CISD3: variants seen among roughly 807,000 people sequenced by gnomAD.
CISD3 encodes CDGSH iron sulfur domain 3.
CISD3 carries 11 observed loss-of-function variants against 14.1 expected under a neutral mutation model. The observed-to-expected ratio is 0.78, with a 90% confidence interval of 0.49 to 1.29. The LOEUF is 1.29. CISD3 is among the 50% of genes most tolerant of loss of function. CISD3 has a pLI of 0.00. For synonymous variants in CISD3, 53 were observed against 69.2 expected (o/e 0.77, Z 1.16); for missense variants, 156 against 171.6 (o/e 0.91, Z 0.51).
Position 38,733,332 on chromosome 17 carries a change from C to G in CISD3, c.261C>G (p.Phe87Leu). 3.2e-6 allele frequency: 5 copies of G among 1,551,750 alleles called. No homozygotes were observed. The highest frequency in any genetic ancestry group is 1.2e-5 in the South Asian group (1 of 84,062). Residue 87 changes from phenylalanine to leucine, a missense_variant, in exon 4 of 4, where the codon TTC becomes TTG. Transcript: ENST00000613478. ...FQRTGLSPLKFKAQETRMVAL... is the reference protein window; with the variant it reads ...FQRTGLSPLKLKAQETRMVAL... ...GCACTGGCCTATCTCCACTCAAGTT[C>G]AAGGCCCAAGAGACCCGCATGGTGG... is the stretch of plus-strand genomic sequence containing the variant.
rs149121439 is a variant in CISD3 at position 38,735,313 on chromosome 17, C to T, written c.*1858C>T. The stretch of plus-strand genomic sequence containing the variant: ...GTGTCTGCAGGCAGTTCAAGCTACC[C>T]CCGTTGGCAGCTGTGGTGGCCCCAC... On this transcript the variant is annotated 3_prime_UTR_variant, in exon 4 of 4. Transcript: ENST00000613478. 25 of 1,533,284 alleles carry T rather than the reference C, an allele frequency of 1.6e-5. No individual in the cohort carries two copies. Among genetic ancestry groups the T allele is most frequent in the Non-Finnish European group, 2.2e-5 (25 of 1,133,604 alleles). The allele number at this position is 1,533,284 out of a possible 1,614,324, so 95.0% of individuals were successfully genotyped here.
intron 3 of CISD3, among the ~76,000 whole-genome samples, chr17:38,732,933 T>TCAGAGA (rs1390610770): frequency 9.4e-6 from 1 of 106,040 alleles, no homozygotes; most frequent in East Asian, 2.2e-4. Flanking sequence ...CAGTGGAGAC[T>TCAGAGA]CAGAGACACA....
In CISD3 at chr17:38,730,475, A is replaced by G. The variant is rs960159558; in HGVS notation, c.48+69A>G. On this transcript the variant is annotated intron_variant, in intron 1 of 3. Coordinates refer to ENST00000613478, the MANE Select transcript of CISD3 (RefSeq NM_001136498.2). Reference sequence around the variant, plus strand: ...CCGGGCCCCTGCCAGCCCCCACTCCAGCCCCGGCCCGGCCGAGCATCCCGG... The same window carrying G: ...CCGGGCCCCTGCCAGCCCCCACTCCGGCCCCGGCCCGGCCGAGCATCCCGG... 84 of 1,138,204 alleles carry G rather than the reference A, an allele frequency of 7.4e-5. 1 individual carries two copies. Among genetic ancestry groups the G allele is most frequent in the Non-Finnish European group, 9.6e-5 (82 of 854,956 alleles). The allele number at this position is 1,138,204 out of a possible 1,614,324, so 70.5% of individuals were successfully genotyped here.
At position 38,735,604 on chromosome 17, in the gene CISD3, C is replaced by G; in HGVS notation, c.*2149C>G. The G allele has an allele frequency of 6.5e-7, 1 of 1,548,310 alleles. No homozygotes were observed. On this transcript the variant is annotated 3_prime_UTR_variant, in exon 4 of 4. Transcript: ENST00000613478. ...ACTTGAGGGGGAGAGGCCCGTTCTG[C>G]GGGGAGAGTGGGGAGGAGAGACACA...
At chr17:38,732,645 G>T (rs542506019) in intron 3 of CISD3, among the ~76,000 whole-genome samples, 1 of 152,018 alleles carries the variant, frequency 6.6e-6, no homozygotes, top group Non-Finnish European at 1.5e-5. Flanking sequence ...AAAAAAAAAG[G>T]CCTTGGCACC....
At position 38,730,741 on chromosome 17, in the gene CISD3, A is replaced by T; in HGVS notation, c.49-19A>T. On this transcript the variant is annotated intron_variant, in intron 1 of 3. Transcript: ENST00000613478. ...AAACCACCGTCTTGTGATGCCTGCCATGCTTGCGTACCTTGCAGGACCTGA... is the reference window on the plus strand; with the variant it reads ...AAACCACCGTCTTGTGATGCCTGCCTTGCTTGCGTACCTTGCAGGACCTGA... 1.9e-6 allele frequency: 3 copies of T among 1,551,476 alleles called. No individual in the cohort carries two copies. Among genetic ancestry groups the T allele is most frequent in the Non-Finnish European group, 2.6e-6 (3 of 1,146,898 alleles).
In CISD3 at chr17:38,735,351, G is replaced by C. The variant is rs746369251; in HGVS notation, c.*1896G>C. On this transcript the variant is annotated 3_prime_UTR_variant, in exon 4 of 4. Transcript: ENST00000613478. ...GTGGTGGCCCCACTGGCTGTCGAAG[G>C]GGGAGTGGGGGAGGTAGGGTGGGTG... The C allele has an allele frequency of 2.6e-5, 40 of 1,558,110 alleles. No homozygotes were observed. In the South Asian group the frequency reaches 4.0e-4, roughly 16 times the overall value.
Position 38,735,518 on chromosome 17 carries a change from C to T in CISD3, c.*2063C>T. 1 of 1,590,524 alleles carries T rather than the reference C, an allele frequency of 6.3e-7. No homozygotes were observed. Among genetic ancestry groups the T allele is most frequent in the Non-Finnish European group, 8.6e-7 (1 of 1,168,670 alleles). On this transcript the variant is annotated 3_prime_UTR_variant, in exon 4 of 4. Transcript: ENST00000613478. ...CTCGGACGCCCCGCTGGTGTTGGTGCCCTCGGAGGGGGTGGGCACCGTGGC... is the reference window on the plus strand; with the variant it reads ...CTCGGACGCCCCGCTGGTGTTGGTGTCCTCGGAGGGGGTGGGCACCGTGGC...
At chr17:38,731,267 G>C (rs1299656940) in intron 2 of CISD3, 53 bp from the exon 3 acceptor site, 1 of 1,540,340 alleles carries the variant, frequency 6.5e-7, no homozygotes, top group African/African-American at 1.4e-5. Flanking sequence ...CAGGCCGGAC[G>C]GTGCTTCCAG....
At position 38,733,501 on chromosome 17, in the gene CISD3, C is replaced by CT. The variant is rs1906445670; in HGVS notation, c.*47dup. On this transcript the variant is annotated 3_prime_UTR_variant, in exon 4 of 4. Coordinates refer to ENST00000613478, the MANE Select transcript of CISD3 (RefSeq NM_001136498.2). ...CACAGGTGGCCTTGGCTCCAGGCCT[C>CT]TGACAGGCACCCCCTTCTGTGGGAA... 6.8e-7 allele frequency: 1 copy of CT among 1,464,278 alleles called. No individual in the cohort carries two copies. Among genetic ancestry groups the CT allele is most frequent in the Non-Finnish European group, 9.1e-7 (1 of 1,102,640 alleles). 90.7% of individuals were successfully genotyped at this position (1,464,278 alleles called of 1,614,324 possible).
Position 38,735,240 on chromosome 17 carries a change from C to T in CISD3, c.*1785C>T, listed in dbSNP as rs764305411. The T allele has an allele frequency of 8.3e-6, 12 of 1,441,990 alleles. No homozygotes were observed. The East Asian group carries it at 3.1e-4, about 37-fold the overall frequency. The allele number at this position is 1,441,990 out of a possible 1,614,324, so 89.3% of individuals were successfully genotyped here. ...CCCTGGCCTCAAGTTAAGGGGGGCACGGGAGCGCCGTTGACAGTCATCTTG... is the reference window on the plus strand; with the variant it reads ...CCCTGGCCTCAAGTTAAGGGGGGCATGGGAGCGCCGTTGACAGTCATCTTG... On this transcript the variant is annotated 3_prime_UTR_variant, in exon 4 of 4. Coordinates refer to ENST00000613478, the MANE Select transcript of CISD3 (RefSeq NM_001136498.2).
chr17:38,735,589 G>A lies in CISD3; in HGVS notation c.*2134G>A. The A allele has an allele frequency of 1.9e-6, 3 of 1,571,738 alleles. No homozygotes were observed. The highest frequency in any genetic ancestry group is 1.8e-5 in the Admixed American group (1 of 56,082). ...CTGGCTGGACACGGTACTTGAGGGG[G>A]AGAGGCCCGTTCTGCGGGGAGAGTG... On this transcript the variant is annotated 3_prime_UTR_variant, in exon 4 of 4. Transcript: ENST00000613478.
chr17:38,730,676 C>A, intron 1 of CISD3, 84 bp from the exon 2 acceptor site: 1 of 1,388,732 alleles, frequency 7.2e-7, no homozygotes, highest in Non-Finnish European at 1.0e-6. Flanking sequence ...GATGGCCTCC[C>A]GTGTCCTTCC....
In CISD3 at chr17:38,735,156, A is replaced by C; in HGVS notation, c.*1701A>C. The C allele has an allele frequency of 8.1e-7, 1 of 1,231,614 alleles. No homozygotes were observed. Among genetic ancestry groups the C allele is most frequent in the Non-Finnish European group, 1.0e-6 (1 of 952,782 alleles). 76.3% of individuals were successfully genotyped at this position (1,231,614 alleles called of 1,614,324 possible). The stretch of plus-strand genomic sequence containing the variant: ...GCTGGGGAAAGTAGAAGAGGTGGAA[A>C]AAAGGGCCCAGAAAAAGTGGAAGGA... On this transcript the variant is annotated 3_prime_UTR_variant, in exon 4 of 4. Transcript: ENST00000613478.
intron 2 of CISD3, 100 bp downstream of exon 2, chr17:38,730,895 A>ACTC: frequency 7.7e-7 from 1 of 1,296,268 alleles, no homozygotes; most frequent in Non-Finnish European, 1.1e-6. Context: ...GTACAGGCCT[A>ACTC]TTCCCTGGAG....
rs1906327228 is a variant in CISD3 at position 38,731,364 on chromosome 17, G to A, written c.129G>A (p.Leu43=). ...PRTPARSVVA[L]KTPIKVELVA... is the part of the protein sequence containing the mutation. ...CCCCAGCCAGGTCCGTGGTGGCCCT[G>A]AAGACCCCCATCAAGGTGGAGCTGG... The change falls in exon 3 of 4, where the codon CTG becomes CTA. Residue 43 remains leucine, a synonymous_variant. Transcript: ENST00000613478. The A allele has an allele frequency of 1.3e-6, 2 of 1,551,632 alleles. No individual in the cohort carries two copies. Among genetic ancestry groups the A allele is most frequent in the East Asian group, 4.9e-5 (2 of 40,920 alleles).
chr17:38,735,527 G>A lies in CISD3; in HGVS notation c.*2072G>A, dbSNP rs1379690664. ...CCCGCTGGTGTTGGTGCCCTCGGAG[G>A]GGGTGGGCACCGTGGCTAGGGTGAG... On this transcript the variant is annotated 3_prime_UTR_variant, in exon 4 of 4. Coordinates refer to ENST00000613478, the MANE Select transcript of CISD3 (RefSeq NM_001136498.2). 1.3e-6 allele frequency: 2 copies of A among 1,590,842 alleles called. No homozygotes were observed. The highest frequency in any genetic ancestry group is 2.3e-5 in the South Asian group (2 of 87,542).
chr17:38,735,258 T>C lies in CISD3; in HGVS notation c.*1803T>C. 6.8e-7 allele frequency: 1 copy of C among 1,461,522 alleles called. No individual in the cohort carries two copies. Among genetic ancestry groups the C allele is most frequent in the East Asian group, 2.5e-5 (1 of 40,056 alleles). 90.5% of individuals were successfully genotyped at this position (1,461,522 alleles called of 1,614,324 possible). On this transcript the variant is annotated 3_prime_UTR_variant, in exon 4 of 4. Coordinates refer to ENST00000613478, the MANE Select transcript of CISD3 (RefSeq NM_001136498.2). The stretch of plus-strand genomic sequence containing the variant: ...GGGGGCACGGGAGCGCCGTTGACAG[T>C]CATCTTGCGCCCCCTGCTGGTGGAG...
intron 3 of CISD3, 25 bp from the exon 4 acceptor site, chr17:38,733,249 CTT>C (rs747688854): frequency 6.4e-7 from 1 of 1,550,722 alleles, no homozygotes; most frequent in Non-Finnish European, 8.7e-7. Context: ...GGGGTCAGGT[CTT>C]TGACTCCTGT....
Sources: gnomAD v4.1 joint callset for allele counts (sites outside exome capture counted in the v4.1 genomes callset) on GRCh38, gnomAD v4.1.1 for gene constraint, MANE v1.5 for transcripts, NCBI Gene and HGNC (gene_info 2026-07-23, HGNC 2026-07-21) for gene names.